WBP1L: variants seen among roughly 807,000 people sequenced by gnomAD.
WBP1L encodes WW domain binding protein 1 like, also known as WW domain binding protein 1-like.
In WBP1L, 17 loss-of-function variants were observed where a neutral mutation model predicts 33.7. The ratio of observed to expected loss-of-function variants is 0.50; its 90% CI spans 0.34 to 0.76. The LOEUF (loss-of-function observed/expected upper bound fraction) is 0.76. Ranked by LOEUF, WBP1L falls within the 30% of genes least tolerant of loss-of-function variation. WBP1L has a pLI of 0.01. For missense variants in WBP1L, 389 were observed against 469.4 expected (o/e 0.83, Z 1.58); for synonymous variants, 173 against 190.8 (o/e 0.91, Z 0.77).
intron 1 of WBP1L, among the ~76,000 whole-genome samples, chr10:102,772,879 C>T (rs1667172510): frequency 6.6e-6 from 1 of 151,190 alleles, no homozygotes; most frequent in Admixed American, 6.6e-5. Context: ...CAACCTGCAA[C>T]ATTTTGACAA....
In WBP1L at chr10:102,798,092, T is replaced by C; in HGVS notation, c.190T>C (p.Trp64Arg). 1 of 1,613,958 alleles carries C rather than the reference T, an allele frequency of 6.2e-7. No individual in the cohort carries two copies. The highest frequency in any genetic ancestry group is 8.5e-7 in the Non-Finnish European group (1 of 1,179,854). Reference protein sequence around the residue: ...SQCCNYYYELWWFWLVWTIII... With the variant: ...SQCCNYYYELRWFWLVWTIII... The stretch of plus-strand genomic sequence containing the variant: ...GTGCTGCAACTACTACTATGAACTC[T>C]GGTGTAAGTCCTTGCTTGGGTGCCT... Residue 64 changes from tryptophan (W) to arginine (R), a missense_variant, in exon 2 of 4, where the codon TGG (tryptophan) becomes CGG (arginine). By Grantham distance (101) the Trp-to-Arg change is moderately radical. Coordinates refer to ENST00000448841, the MANE Select transcript of WBP1L (RefSeq NM_001083913.2).
chr10:102,780,520 G>A (rs914381791), intron 1 of WBP1L, among the ~76,000 whole-genome samples: 3 of 152,166 alleles, frequency 2.0e-5, no homozygotes, highest in Non-Finnish European at 4.4e-5. Context: ...GGGTAATGTC[G>A]AAGGTTTCTT....
chr10:102,812,774 A>G lies in WBP1L; in HGVS notation c.535A>G (p.Ser179Gly). The G allele has an allele frequency of 6.2e-7, 1 of 1,612,178 alleles. No individual in the cohort carries two copies. The highest frequency in any genetic ancestry group is 1.1e-5 in the South Asian group (1 of 90,838). Residue 179 changes from serine (S) to glycine (G), a missense_variant, in exon 4 of 4, where the codon AGC becomes GGC. Physicochemically the swap from Ser to Gly is moderately conservative, Grantham distance 56. Coordinates refer to ENST00000448841, the MANE Select transcript of WBP1L (RefSeq NM_001083913.2). ...CACCAGGGGATCCCAGGGGGCACAG[A>G]GCAGCCCCTTGTCTGAGCCCAGCAG... ...DPTRGSQGAQ[S>G]SPLSEPSRSS...
rs541773303 is a variant in WBP1L, at chr10:102,768,844, C to T, written c.90+24701C>T. On this transcript the variant is annotated intron_variant, in intron 1 of 3. Coordinates refer to ENST00000448841, the MANE Select transcript of WBP1L (RefSeq NM_001083913.2). ...CTGGGACTACAGGTGCCTGCCACCA[C>T]GCCCGGCTAATTTTTTGTATTTTTT... is the stretch of plus-strand genomic sequence containing the variant. 3.3e-3 allele frequency among the ~76,000 whole-genome samples: 492 copies of T among 151,302 alleles called. 5 individuals are homozygous for T. Among genetic ancestry groups the T allele is most frequent in the Non-Finnish European group, 3.1e-3 (207 of 67,798 alleles).
intron 1 of WBP1L, among the ~76,000 whole-genome samples, chr10:102,760,177 C>T (rs1020793720): frequency 1.3e-5 from 2 of 152,004 alleles, no homozygotes; most frequent in African/African-American, 4.8e-5. Context: ...CTATTCAATC[C>T]TTTGTCCATT....
chr10:102,812,858 C>T lies in WBP1L; in HGVS notation c.619C>T (p.Arg207Ter). Residue 207 changes from arginine (R) to a stop codon, truncating the protein, a stop_gained, in exon 4 of 4, where the codon CGA becomes TGA. Transcript: ENST00000448841. LOFTEE classifies it high-confidence loss of function. ...DPDPSDLPVDRAATKAPGMEP... is the reference protein window; with the variant it reads ...DPDPSDLPVD ...TGATCCCTCTGACCTACCAGTTGAC[C>T]GAGCAGCCACCAAAGCCCCAGGGAT... The T allele has an allele frequency of 6.4e-7, 1 of 1,571,768 alleles. No homozygotes were observed. The highest frequency in any genetic ancestry group is 8.6e-7 in the Non-Finnish European group (1 of 1,157,336).
At chr10:102,745,261 G>A (rs960608989) in intron 1 of WBP1L, among the ~76,000 whole-genome samples, 1 of 152,134 alleles carries the variant, frequency 6.6e-6, no homozygotes, top group Non-Finnish European at 1.5e-5. Flanking sequence ...AATACATCTT[G>A]TTTTGCCCAT....
At chr10:102,800,089 G>A (rs1843633964) in intron 2 of WBP1L, among the ~76,000 whole-genome samples, 1 of 152,150 alleles carries the variant, frequency 6.6e-6, no homozygotes, top group African/African-American at 2.4e-5. Flanking sequence ...TTTTAGAAGG[G>A]GTGGGGCTGA....
intron 1 of WBP1L, among the ~76,000 whole-genome samples, chr10:102,745,453 C>G (rs1842854603): frequency 6.6e-6 from 1 of 152,182 alleles, no homozygotes; most frequent in Non-Finnish European, 1.5e-5. Context: ...TAAGCAGTTA[C>G]TCTCTGTCTC....
chr10:102,744,512 A>G (rs971445574), intron 1 of WBP1L: 1 of 980,730 alleles, frequency 1.0e-6, no homozygotes, highest in Non-Finnish European at 1.2e-6. Context: ...CTGTGTGTGT[A>G]GGGGTACACA....
intron 1 of WBP1L, among the ~76,000 whole-genome samples, chr10:102,796,482 G>A (rs890940217): frequency 1.3e-5 from 2 of 152,188 alleles, no homozygotes; most frequent in African/African-American, 4.8e-5. Flanking sequence ...AGTGCCTGGT[G>A]TATACCCTTG....
intron 1 of WBP1L, among the ~76,000 whole-genome samples, chr10:102,789,690 T>C (rs1843468341): frequency 6.6e-6 from 1 of 152,144 alleles, no homozygotes; most frequent in South Asian, 2.1e-4. Context: ...TTTGTCACTC[T>C]GCAGTTTCAT....
chr10:102,794,533 C>G (rs1843546851), intron 1 of WBP1L, among the ~76,000 whole-genome samples: 1 of 152,058 alleles, frequency 6.6e-6, no homozygotes, highest in Non-Finnish European at 1.5e-5. Flanking sequence ...CTTAACCAGA[C>G]CTAGGGCCAT....
At chr10:102,778,712 C>T (rs1843298197) in intron 1 of WBP1L, among the ~76,000 whole-genome samples, 1 of 152,138 alleles carries the variant, frequency 6.6e-6, no homozygotes, top group Non-Finnish European at 1.5e-5. Flanking sequence ...GACAGTGTAA[C>T]TATGTTCTTT....
rs368414528 is a variant in WBP1L at position 102,744,039 on chromosome 10, A to T, written c.-15A>T. Reference sequence around the variant, plus strand: ...GGTGGCGGCGCCGTGGCGGAGGAGCAGGAGCAGGAGGGGGATGGAGAGGAG... The same window carrying T: ...GGTGGCGGCGCCGTGGCGGAGGAGCTGGAGCAGGAGGGGGATGGAGAGGAG... On this transcript the variant is annotated 5_prime_UTR_variant, in exon 1 of 4. Coordinates refer to ENST00000448841, the MANE Select transcript of WBP1L (RefSeq NM_001083913.2). The T allele has an allele frequency of 3.9e-6, 6 of 1,542,334 alleles. No individual in the cohort carries two copies. The highest frequency in any genetic ancestry group is 4.4e-6 in the Non-Finnish European group (5 of 1,140,548).
At chr10:102,769,356 CTTTCT>C (rs1843156869) in intron 1 of WBP1L, among the ~76,000 whole-genome samples, 2 of 134,650 alleles carry the variant, frequency 1.5e-5, no homozygotes, top group African/African-American at 2.6e-5. Flanking sequence ...TTTCTTTTTT[CTTTCT>C]TTTTTTTTTT....
rs1333240296 is a variant in WBP1L at position 102,814,380 on chromosome 10, A to T, written c.*1049A>T. 1 of 152,612 alleles carries T rather than the reference A, an allele frequency of 6.6e-6. No individual in the cohort carries two copies. Among genetic ancestry groups the T allele is most frequent in the African/African-American group, 2.4e-5 (1 of 41,448 alleles). 9.5% of individuals were successfully genotyped at this position (152,612 alleles called of 1,614,324 possible). ...GGGCCTTCAAGTCTCACTGTTCCGT[A>T]TGAGGAAACAGACAGCGGACTGAGG... On this transcript the variant is annotated 3_prime_UTR_variant, in exon 4 of 4. Coordinates refer to ENST00000448841, the MANE Select transcript of WBP1L (RefSeq NM_001083913.2).
intron 1 of WBP1L, among the ~76,000 whole-genome samples, chr10:102,781,724 G>C (rs902815955): frequency 2.0e-5 from 3 of 152,158 alleles, no homozygotes; most frequent in African/African-American, 7.2e-5. Context: ...ACACTTGTTT[G>C]TGCTACCAAA....
intron 1 of WBP1L, among the ~76,000 whole-genome samples, chr10:102,767,296 G>A (rs914076036): frequency 2.2e-4 from 34 of 152,170 alleles, no homozygotes; most frequent in African/African-American, 8.0e-4. Flanking sequence ...TTGGGGGGTG[G>A]GGAGGCAAGA....
Sources: allele counts gnomAD v4.1 joint callset (sites outside exome capture counted in the v4.1 genomes callset), GRCh38; gene constraint gnomAD v4.1.1; transcripts MANE v1.5; gene names NCBI Gene and HGNC (gene_info 2026-07-23, HGNC 2026-07-21).